The following JMJD1C variants were observed in gnomAD, a reference collection of about 807,000 sequenced individuals.
The protein encoded by JMJD1C is jumonji domain-containing protein 1C.
JMJD1C carries 31 observed loss-of-function variants against 245.3 expected under a neutral mutation model. That is an observed-to-expected ratio of 0.13 (90% CI 0.09 to 0.17). The LOEUF (loss-of-function observed/expected upper bound fraction) is 0.17. Ranked by LOEUF, JMJD1C falls within the 10% of genes least tolerant of loss-of-function variation. The pLI, the probability that JMJD1C is intolerant of heterozygous loss-of-function variation, is 1.00. For missense variants in JMJD1C, 2,691 were observed against 3,000.2 expected (o/e 0.90, Z 2.41); for synonymous variants, 1,057 against 1,017.4 (o/e 1.04, Z -0.74).
chr10:63,407,082 C>T (rs1391945184), intron 1 of JMJD1C, among the ~76,000 whole-genome samples: 1 of 152,022 alleles, frequency 6.6e-6, no homozygotes, highest in Non-Finnish European at 1.5e-5. Context: ...AGCTATGCCC[C>T]AAAGGTTCAA....
At chr10:63,282,006 CT>C (rs1156691769) in intron 2 of JMJD1C, among the ~76,000 whole-genome samples, 1 of 152,098 alleles carries the variant, frequency 6.6e-6, no homozygotes, top group Non-Finnish European at 1.5e-5. Flanking sequence ...ATTTCCTGAC[CT>C]TTTTTGGTCA....
intron 1 of JMJD1C, among the ~76,000 whole-genome samples, chr10:63,394,135 C>T (rs1231648797): frequency 1.4e-5 from 2 of 146,384 alleles, no homozygotes; most frequent in African/African-American, 2.5e-5. Flanking sequence ...TATAGTGAGC[C>T]GAGACTGCAC....
At chr10:63,370,429 A>G (rs1306645521) in intron 2 of JMJD1C, among the ~76,000 whole-genome samples, 1 of 152,234 alleles carries the variant, frequency 6.6e-6, no homozygotes, top group African/African-American at 2.4e-5. Flanking sequence ...TGTGTGGTAG[A>G]TATTACTATT....
At chr10:63,186,660 C>A (rs1046991250) in intron 18 of JMJD1C, among the ~76,000 whole-genome samples, 1 of 152,192 alleles carries the variant, frequency 6.6e-6, no homozygotes, top group African/African-American at 2.4e-5. Context: ...AGCTTTCTTA[C>A]ACTTGGTGGC....
At chr10:63,222,508 C>A in intron 3 of JMJD1C, 1 of 1,208,642 alleles carries the variant, frequency 8.3e-7, no homozygotes, top group Non-Finnish European at 1.2e-6. Context: ...TTGATTTTGA[C>A]TGACTGCACT....
intron 1 of JMJD1C, among the ~76,000 whole-genome samples, chr10:63,498,580 A>G (rs368647262): frequency 1.3e-5 from 2 of 152,260 alleles, no homozygotes; most frequent in African/African-American, 4.8e-5. Context: ...TAATGAGGTA[A>G]AAGTGTGGGG....
intron 2 of JMJD1C, among the ~76,000 whole-genome samples, chr10:63,284,857 T>TCACACACA (rs57860875): frequency 4.5e-4 from 61 of 135,478 alleles, no homozygotes; most frequent in South Asian, 1.8e-3. Context: ...CAGGGAAGAT[T>TCACACACA]CACACACACA....
At chr10:63,494,737 T>G (rs767284770) in intron 1 of JMJD1C, among the ~76,000 whole-genome samples, 3 of 152,240 alleles carry the variant, frequency 2.0e-5, no homozygotes, top group Non-Finnish European at 2.9e-5. Flanking sequence ...GTATTATTAC[T>G]GACAGAGAAA....
At chr10:63,182,665 C>G (rs1843634200) in intron 22 of JMJD1C, among the ~76,000 whole-genome samples, 1 of 152,142 alleles carries the variant, frequency 6.6e-6, no homozygotes, top group Admixed American at 6.5e-5. Context: ...AAGGGAATAA[C>G]TGACACCATG....
intron 2 of JMJD1C, among the ~76,000 whole-genome samples, chr10:63,314,946 A>AG (rs1290578874): frequency 7.5e-6 from 1 of 133,510 alleles, no homozygotes; most frequent in Non-Finnish European, 1.6e-5. Context: ...CACTGTGCCC[A>AG]GCCTTTTTTG....
chr10:63,498,068 A>T (rs1387229001), intron 1 of JMJD1C, among the ~76,000 whole-genome samples: 1 of 152,194 alleles, frequency 6.6e-6, no homozygotes, highest in African/African-American at 2.4e-5. Flanking sequence ...CGGTCTCTGT[A>T]ATAAAAATAT....
chr10:63,435,772 G>A (rs1056369844), intron 1 of JMJD1C, among the ~76,000 whole-genome samples: 3 of 152,114 alleles, frequency 2.0e-5, no homozygotes, highest in Admixed American at 6.5e-5. Context: ...GGTGGCATGC[G>A]CCTATAATCC....
intron 2 of JMJD1C, among the ~76,000 whole-genome samples, chr10:63,329,712 T>C (rs970673581): frequency 6.6e-6 from 1 of 152,220 alleles, no homozygotes; most frequent in Non-Finnish European, 1.5e-5. Context: ...AATCATACTT[T>C]GAATTCTAAT....
intron 1 of JMJD1C, among the ~76,000 whole-genome samples, chr10:63,442,567 C>G (rs960701738): frequency 4.6e-5 from 7 of 152,170 alleles, no homozygotes; most frequent in African/African-American, 1.7e-4. Context: ...TGTAACCAAC[C>G]AGAAAACGAA....
chr10:63,314,479 G>A (rs140112207), intron 2 of JMJD1C, among the ~76,000 whole-genome samples: 2,152 of 152,312 alleles, frequency 0.014, 35 homozygotes, highest in Non-Finnish European at 0.02. Flanking sequence ...AGAATCACCT[G>A]AGCAAGGGAA....
At chr10:63,181,267 T>C (rs573898324) in intron 22 of JMJD1C, among the ~76,000 whole-genome samples, 8 of 152,308 alleles carry the variant, frequency 5.3e-5, no homozygotes, top group Admixed American at 4.6e-4. Flanking sequence ...AAACTTTAAA[T>C]TGGTTTTCTG....
chr10:63,265,975 T>C (rs1855529150), intron 2 of JMJD1C, among the ~76,000 whole-genome samples: 2 of 152,126 alleles, frequency 1.3e-5, no homozygotes, highest in African/African-American at 2.4e-5. Context: ...TTGGAGTGGC[T>C]TTTAAGGAGT....
intron 1 of JMJD1C, among the ~76,000 whole-genome samples, chr10:63,440,990 G>A (rs547574787): frequency 6.6e-6 from 1 of 152,250 alleles, no homozygotes; most frequent in African/African-American, 2.4e-5. Context: ...CAAGTAGGAG[G>A]AAAAGTGCTT....
intron 3 of JMJD1C, among the ~76,000 whole-genome samples, chr10:63,252,688 G>T (rs1009886850): frequency 2.0e-5 from 3 of 152,160 alleles, no homozygotes; most frequent in Non-Finnish European, 4.4e-5. Flanking sequence ...GCACTCTACT[G>T]AGAAACACTA....
Sources: gnomAD v4.1 joint callset for allele counts (sites outside exome capture counted in the v4.1 genomes callset) on GRCh38, gnomAD v4.1.1 for gene constraint, MANE v1.5 for transcripts, NCBI Gene and HGNC (gene_info 2026-07-23, HGNC 2026-07-21) for gene names.